Variants in RHOBTB3 observed in about 807,000 individuals in gnomAD.
RHOBTB3 encodes the protein Rho related BTB domain containing 3.
In RHOBTB3, 47 loss-of-function variants were observed where a neutral mutation model predicts 67.2. The ratio of observed to expected loss-of-function variants is 0.70; its 90% CI spans 0.55 to 0.89. The LOEUF is 0.89. Among genes scored for constraint, RHOBTB3 ranks in the 40% least tolerant of loss-of-function variants. The pLI is 0.00. For synonymous variants in RHOBTB3, 273 were observed against 274.2 expected, an observed-to-expected ratio of 1.00 and a Z score of 0.04; for missense variants, 631 against 750.0, an observed-to-expected ratio of 0.84 and a Z score of 1.85.
At chr5:95,723,712 A>T (rs549540885) in intron 1 of RHOBTB3, among the ~76,000 whole-genome samples, 17 of 152,122 alleles carry the variant, frequency 1.1e-4, no homozygotes, top group Non-Finnish European at 1.6e-4. Flanking sequence ...GCTTTTCCCT[A>T]TCTCTCCTTT....
chr5:95,736,969 T>A lies in RHOBTB3; in HGVS notation c.309T>A (p.Asn103Lys). 2 of 1,611,280 alleles carry A rather than the reference T, an allele frequency of 1.2e-6. No individual in the cohort carries two copies. Among genetic ancestry groups the A allele is most frequent in the Non-Finnish European group, 1.7e-6 (2 of 1,177,744 alleles). Residue 103 changes from asparagine (N) to lysine (K), a missense_variant, in exon 3 of 12, where the codon AAT (asparagine) becomes AAA (lysine). Transcript: ENST00000379982. ...ADIIVIKYNV[N>K]DKFSFHEVKD... Reference sequence around the variant, plus strand: ...TCATTGTGATCAAATACAACGTTAATGACAAGTTTTCATTCCATGAAGTAA... The same window carrying A: ...TCATTGTGATCAAATACAACGTTAAAGACAAGTTTTCATTCCATGAAGTAA...
Position 95,747,980 on chromosome 5 carries a change from G to A in RHOBTB3, c.416-353G>A, listed in dbSNP as rs537483593. 1.1e-3 allele frequency among the ~76,000 whole-genome samples: 172 copies of A among 152,324 alleles called. 4 individuals are homozygous for A. In the South Asian group the frequency reaches 0.027, roughly 24 times the overall value. Reference sequence around the variant, plus strand: ...TTTCCATGCTCTCCATGGCAATCAAGTTGTTACATTTATCTTCTTTTCTAC... The same window carrying A: ...TTTCCATGCTCTCCATGGCAATCAAATTGTTACATTTATCTTCTTTTCTAC... On this transcript the variant is annotated intron_variant, in intron 3 of 11. Coordinates refer to ENST00000379982, the MANE Select transcript of RHOBTB3 (RefSeq NM_014899.4).
chr5:95,725,007 C>T (rs138244624), intron 1 of RHOBTB3, among the ~76,000 whole-genome samples: 5 of 150,934 alleles, frequency 3.3e-5, no homozygotes, highest in African/African-American at 7.3e-5. Flanking sequence ...GACCCCATGT[C>T]TTAAAAAAAA....
intron 3 of RHOBTB3, among the ~76,000 whole-genome samples, chr5:95,737,564 C>T (rs1755483408): frequency 6.6e-6 from 1 of 152,178 alleles, no homozygotes; most frequent in African/African-American, 2.4e-5. Context: ...TGGGTTCAGG[C>T]TGCTTCAGCC....
intron 2 of RHOBTB3, chr5:95,732,561 A>T (rs1375134267): frequency 5.2e-6 from 1 of 193,660 alleles, no homozygotes; most frequent in Non-Finnish European, 1.0e-5. Flanking sequence ...AGGAAAAGAC[A>T]GGGACTGGGA....
chr5:95,730,955 C>T (rs545884011), upstream of RHOBTB3: 8 of 495,278 alleles, frequency 1.6e-5, no homozygotes, highest in African/African-American at 5.9e-5. Context: ...GGGCGGCACT[C>T]GGGCTGGAAT....
upstream of RHOBTB3, among the ~76,000 whole-genome samples, chr5:95,726,802 T>C (rs1168739757): frequency 1.3e-5 from 2 of 152,200 alleles, no homozygotes; most frequent in Admixed American, 6.5e-5. Context: ...TGGCAATATA[T>C]TGAAAGTGAA....
Position 95,787,331 on chromosome 5 carries a change from TA to T in RHOBTB3, c.1624-1427del, listed in dbSNP as rs1021832029. ...AAGATAAGGGGAGGAAAAAAACTGT[TA>T]AAATGTTATGTGGGATTAGATAAAC... On this transcript the variant is annotated intron_variant, in intron 10 of 11. Transcript: ENST00000379982. Among the ~76,000 whole-genome samples the T allele has an allele frequency of 2.0e-5, 3 of 152,310 alleles. No individual in the cohort carries two copies. In the East Asian group the frequency reaches 5.8e-4, roughly 29 times the overall value.
chr5:95,772,638 A>G (rs148937546), intron 8 of RHOBTB3, among the ~76,000 whole-genome samples: 77 of 152,338 alleles, frequency 5.1e-4, no homozygotes, highest in African/African-American at 1.8e-3. Flanking sequence ...TGTGAGAAGG[A>G]AGGCATAATT....
chr5:95,795,944 A>G lies in RHOBTB3; in HGVS notation c.*2770A>G, dbSNP rs1397700016. On this transcript the variant is annotated 3_prime_UTR_variant, in exon 12 of 12. Coordinates refer to ENST00000379982, the MANE Select transcript of RHOBTB3 (RefSeq NM_014899.4). ...AACTAAGGCCTTTCCTTTCTTGGCC[A>G]AAGTCTTTACCCTATTTAACCCTTT... 2 of 152,116 alleles carry G rather than the reference A, an allele frequency of 1.3e-5. No homozygotes were observed. The highest frequency in any genetic ancestry group is 6.5e-5 in the Admixed American group (1 of 15,270). The allele number at this position is 152,116 out of a possible 1,614,324, so 9.4% of individuals were successfully genotyped here.
intron 8 of RHOBTB3, among the ~76,000 whole-genome samples, chr5:95,779,853 A>C (rs1014123669): frequency 2.0e-5 from 3 of 152,204 alleles, no homozygotes; most frequent in African/African-American, 7.2e-5. Flanking sequence ...TCTGTGAGTC[A>C]GGCCCAGAAG....
rs750632712 is a variant in RHOBTB3 at position 95,755,526 on chromosome 5, G to A, written c.813G>A (p.Lys271=). 1.6e-5 allele frequency: 26 copies of A among 1,614,070 alleles called. No individual in the cohort carries two copies. Among genetic ancestry groups the A allele is most frequent in the Non-Finnish European group, 2.0e-5 (24 of 1,180,040 alleles). ...TAAAGAAAGTTGTAGAGGCCCACAA[G>A]ATCGTTCTCTGCGCTGTAAGCCATG... ...PNLKKVVEAH[K]IVLCAVSHVF... Residue 271 remains lysine, a synonymous_variant, in exon 6 of 12, where the codon AAG becomes AAA. Coordinates refer to ENST00000379982, the MANE Select transcript of RHOBTB3 (RefSeq NM_014899.4).
At chr5:95,777,144 G>A (rs1212816473) in intron 8 of RHOBTB3, among the ~76,000 whole-genome samples, 3 of 152,208 alleles carry the variant, frequency 2.0e-5, no homozygotes, top group African/African-American at 7.2e-5. Flanking sequence ...AGGTACGGAT[G>A]TCCTTTTGAT....
At chr5:95,784,850 G>A (rs1005733253) in intron 10 of RHOBTB3, among the ~76,000 whole-genome samples, 9 of 152,110 alleles carry the variant, frequency 5.9e-5, no homozygotes, top group African/African-American at 2.2e-4. Flanking sequence ...TCCATCCACT[G>A]CCCGAGACAG....
chr5:95,776,915 G>T (rs1054745580), intron 8 of RHOBTB3, among the ~76,000 whole-genome samples: 1 of 152,140 alleles, frequency 6.6e-6, no homozygotes, highest in African/African-American at 2.4e-5. Context: ...ACTTTTTCCT[G>T]CTGAACCCAC....
intron 8 of RHOBTB3, among the ~76,000 whole-genome samples, chr5:95,776,795 G>A: frequency 6.6e-6 from 1 of 152,186 alleles, no homozygotes. Context: ...CCGACTTTGT[G>A]ATGTGGTCAC....
upstream of RHOBTB3, chr5:95,731,096 A>T (rs1049678090): frequency 9.0e-7 from 1 of 1,109,858 alleles, no homozygotes; most frequent in Non-Finnish European, 1.1e-6. Context: ...GGCGGCTGGG[A>T]GCTCTCGGGC....
At chr5:95,731,028 C>G (rs1021603742), upstream of RHOBTB3, 10 of 923,422 alleles carry the variant, frequency 1.1e-5, no homozygotes, top group Middle Eastern at 3.1e-4. Flanking sequence ...CGCCCCACCC[C>G]CCTTTCCTGG....
At chr5:95,744,488 A>G (rs2112786443) in intron 3 of RHOBTB3, among the ~76,000 whole-genome samples, 1 of 152,186 alleles carries the variant, frequency 6.6e-6, no homozygotes, top group African/African-American at 2.4e-5. Context: ...TATCCCTGGC[A>G]CTTGATGTGT....
Sources: allele counts gnomAD v4.1 joint callset (sites outside exome capture counted in the v4.1 genomes callset), GRCh38; gene constraint gnomAD v4.1.1; transcripts MANE v1.5; gene names NCBI Gene and HGNC (gene_info 2026-07-23, HGNC 2026-07-21).